The following FAM227B variants were observed in gnomAD, a reference collection of about 807,000 sequenced individuals.
FAM227B encodes family with sequence similarity 227 member B, also known as protein FAM227B.
A neutral mutation model predicts 73.8 loss-of-function variants in FAM227B; 88 were observed. That is an observed-to-expected ratio of 1.19 (90% CI 1.00 to 1.42). FAM227B has a LOEUF of 1.42. FAM227B is among the 40% of genes most tolerant of loss of function. The pLI, the probability that FAM227B is intolerant of heterozygous loss-of-function variation, is 0.00. For missense variants in FAM227B, 632 were observed against 590.9 expected, an observed-to-expected ratio of 1.07 and a Z score of -0.72; for synonymous variants, 210 against 190.5, an observed-to-expected ratio of 1.10 and a Z score of -0.84.
intron 5 of FAM227B, among the ~76,000 whole-genome samples, chr15:49,581,556 G>A (rs1344720516): frequency 3.9e-5 from 6 of 152,028 alleles, no homozygotes; most frequent in Non-Finnish European, 5.9e-5. Flanking sequence ...GAACTCATGT[G>A]ATCTACCTGC....
intron 11 of FAM227B, among the ~76,000 whole-genome samples, chr15:49,481,055 T>C (rs1287126743): frequency 6.6e-6 from 1 of 152,170 alleles, no homozygotes; most frequent in Non-Finnish European, 1.5e-5. Context: ...CATTCTCTTT[T>C]TATCTAAAAG....
chr15:49,389,995 G>C (rs1199069811), intron 11 of FAM227B, among the ~76,000 whole-genome samples: 1 of 152,000 alleles, frequency 6.6e-6, no homozygotes, highest in Admixed American at 6.6e-5. Context: ...GGAGAGTGTG[G>C]TAATCAGTTG....
At chr15:49,340,061 G>T (rs2040438908) in intron 13 of FAM227B, among the ~76,000 whole-genome samples, 1 of 152,156 alleles carries the variant, frequency 6.6e-6, no homozygotes, top group Admixed American at 6.5e-5. Flanking sequence ...GCTCAGTGGG[G>T]GTGGGACCCG....
chr15:49,513,715 T>C, intron 10 of FAM227B, among the ~76,000 whole-genome samples: 1 of 152,112 alleles, frequency 6.6e-6, no homozygotes, highest in Non-Finnish European at 1.5e-5. Context: ...TCTTCTAGGG[T>C]TTTTACGGTT....
chr15:49,593,489 T>C (rs1017252847), intron 3 of FAM227B, among the ~76,000 whole-genome samples: 2 of 152,168 alleles, frequency 1.3e-5, no homozygotes, highest in South Asian at 4.1e-4. Context: ...TGGTTTTCGT[T>C]ACATGAATAG....
chr15:49,387,205 G>A (rs958674262), intron 11 of FAM227B, among the ~76,000 whole-genome samples: 15 of 151,436 alleles, frequency 9.9e-5, no homozygotes, highest in African/African-American at 2.9e-4. Flanking sequence ...GAAAACTACC[G>A]ATCAATTTTC....
intron 11 of FAM227B, chr15:49,424,346 T>A: frequency 6.2e-7 from 1 of 1,613,670 alleles, no homozygotes; most frequent in Non-Finnish European, 8.5e-7. Context: ...GCTCTACAGA[T>A]CATGCTTTCA....
intron 5 of FAM227B, among the ~76,000 whole-genome samples, chr15:49,578,600 TAGAA>T (rs916974069): frequency 2.6e-5 from 4 of 152,174 alleles, no homozygotes; most frequent in African/African-American, 7.2e-5. Flanking sequence ...ACACATATAT[TAGAA>T]AGAAGATGAC....
At chr15:49,607,727 CA>C (rs1210876047) in intron 3 of FAM227B, among the ~76,000 whole-genome samples, 7 of 152,102 alleles carry the variant, frequency 4.6e-5, no homozygotes, top group African/African-American at 1.7e-4. Flanking sequence ...CCAAGGTAAT[CA>C]AGGGATAGAC....
intron 11 of FAM227B, among the ~76,000 whole-genome samples, chr15:49,390,157 C>T (rs945658757): frequency 1.3e-5 from 2 of 151,912 alleles, no homozygotes; most frequent in Admixed American, 1.3e-4. Context: ...GTGTCTTTTC[C>T]GAGTGGAAGC....
chr15:49,603,546 T>G (rs1567684826), intron 3 of FAM227B, among the ~76,000 whole-genome samples: 1 of 152,188 alleles, frequency 6.6e-6, no homozygotes, highest in Non-Finnish European at 1.5e-5. Context: ...GTCTTTAGGT[T>G]TTTCCAAATA....
chr15:49,544,942 C>T (rs1389669370), intron 9 of FAM227B, among the ~76,000 whole-genome samples: 1 of 152,068 alleles, frequency 6.6e-6, no homozygotes, highest in Non-Finnish European at 1.5e-5. Flanking sequence ...CTATGTTCAT[C>T]AAGAATATTG....
At position 49,365,292 on chromosome 15, in the gene FAM227B, G is replaced by C. The variant is rs992603190; in HGVS notation, c.1271+2156C>G. The C allele has an allele frequency of 2.0e-6, 3 of 1,533,734 alleles. No homozygotes were observed. The African/African-American group carries it at 4.1e-5, about 21-fold the overall frequency. On this transcript the variant is annotated intron_variant, in intron 13 of 15. Transcript: ENST00000299338. The stretch of plus-strand genomic sequence containing the variant: ...AGTGTGCAAGTTACTAAATAGAGGA[G>C]AGCAGGTTGCCCCTTTTTCATCAGC...
intron 13 of FAM227B, among the ~76,000 whole-genome samples, chr15:49,341,106 CTGTT>C (rs2040657666): frequency 6.6e-6 from 1 of 152,102 alleles, no homozygotes; most frequent in African/African-American, 2.4e-5. Flanking sequence ...GTTCTCTATT[CTGTT>C]TCATCAGTCT....
At chr15:49,430,242 C>A (rs1028300581) in intron 11 of FAM227B, among the ~76,000 whole-genome samples, 2 of 152,052 alleles carry the variant, frequency 1.3e-5, no homozygotes, top group Non-Finnish European at 2.9e-5. Context: ...TTCTGTACCA[C>A]AGCCTCACAA....
intron 9 of FAM227B, among the ~76,000 whole-genome samples, chr15:49,550,168 C>T (rs1334602524): frequency 5.4e-5 from 8 of 147,794 alleles, no homozygotes; most frequent in Non-Finnish European, 9.0e-5. Context: ...GCTGATCCCC[C>T]CACCTCCCTC....
intron 8 of FAM227B, among the ~76,000 whole-genome samples, chr15:49,573,821 T>C (rs1041695505): frequency 6.6e-6 from 1 of 152,212 alleles, no homozygotes; most frequent in African/African-American, 2.4e-5. Flanking sequence ...TTCTATATCA[T>C]ACTGTATCCT....
At chr15:49,567,236 G>A (rs1186117010) in intron 9 of FAM227B, among the ~76,000 whole-genome samples, 1 of 152,078 alleles carries the variant, frequency 6.6e-6, no homozygotes, top group Non-Finnish European at 1.5e-5. Flanking sequence ...CTGCAAATAA[G>A]AAAAAACCTG....
At chr15:49,359,839 C>T (rs1432077191) in intron 13 of FAM227B, among the ~76,000 whole-genome samples, 2 of 138,486 alleles carry the variant, frequency 1.4e-5, no homozygotes, top group Non-Finnish European at 3.2e-5. Flanking sequence ...GGAACCAACC[C>T]AAATGTCCAA....
Sources: gnomAD v4.1 joint callset for allele counts (sites outside exome capture counted in the v4.1 genomes callset) on GRCh38, gnomAD v4.1.1 for gene constraint, MANE v1.5 for transcripts, NCBI Gene and HGNC (gene_info 2026-07-23, HGNC 2026-07-21) for gene names.